FER1L6: variants seen among roughly 807,000 people sequenced by gnomAD.
FER1L6 encodes the protein fer-1-like protein 6.
Under a neutral mutation model 219.2 loss-of-function variants are expected in FER1L6, and 177 were observed. The observed-to-expected ratio is 0.81, with a 90% CI of 0.71 to 0.91. The LOEUF (loss-of-function observed/expected upper bound fraction) is 0.91. FER1L6 is among the 40% of genes least tolerant of loss of function. The pLI is 0.00. For missense variants in FER1L6, 2,153 were observed against 2,259.9 expected (o/e 0.95, Z 0.96); for synonymous variants, 768 against 824.3 (o/e 0.93, Z 1.17).
intron 1 of FER1L6, among the ~76,000 whole-genome samples, chr8:123,859,167 T>G (rs1440844299): frequency 6.6e-6 from 1 of 152,142 alleles, no homozygotes; most frequent in Non-Finnish European, 1.5e-5. Context: ...GCCCAGCTAA[T>G]TTTCTTATTT....
intron 1 of FER1L6, among the ~76,000 whole-genome samples, chr8:123,944,664 T>C (rs1814403900): frequency 6.6e-6 from 1 of 152,156 alleles, no homozygotes; most frequent in Admixed American, 6.5e-5. Flanking sequence ...ATTACAAGCA[T>C]AGAGAAGTTA....
At chr8:124,021,155 G>A (rs7819868) in intron 16 of FER1L6, among the ~76,000 whole-genome samples, 77,265 of 151,788 alleles carry the variant, frequency 0.51, 20,367 homozygotes, top group Non-Finnish European at 0.59. Flanking sequence ...AAGGGTAAAC[G>A]CCTCCATGAT....
At chr8:124,063,541 C>G (rs1302038714) in intron 25 of FER1L6, among the ~76,000 whole-genome samples, 1 of 152,204 alleles carries the variant, frequency 6.6e-6, no homozygotes, top group African/African-American at 2.4e-5. Context: ...ACCTATCATT[C>G]GTTTTCCCAA....
chr8:124,027,015 C>T (rs572599498), intron 18 of FER1L6, among the ~76,000 whole-genome samples: 96 of 152,252 alleles, frequency 6.3e-4, no homozygotes, highest in African/African-American at 2.3e-3. Flanking sequence ...GGTTCCATGG[C>T]TTTTACTAGA....
At chr8:123,943,746 C>T (rs1230666004) in intron 1 of FER1L6, among the ~76,000 whole-genome samples, 1 of 151,972 alleles carries the variant, frequency 6.6e-6, no homozygotes, top group Non-Finnish European at 1.5e-5. Context: ...GCCTGGGCTT[C>T]TGGAAGCCCT....
intron 7 of FER1L6, among the ~76,000 whole-genome samples, chr8:123,974,684 A>G (rs1226482280): frequency 2.7e-5 from 4 of 148,014 alleles, no homozygotes; most frequent in Non-Finnish European, 4.5e-5. Flanking sequence ...AAAAAAAAAG[A>G]AATGTGAAGC....
At position 123,916,268 on chromosome 8, in the gene FER1L6, A is replaced by G. The variant is rs146373389; in HGVS notation, c.-7-39724A>G. 7.4e-3 allele frequency among the ~76,000 whole-genome samples: 1,125 copies of G among 152,276 alleles called. 17 individuals are homozygous for G. The highest frequency in any genetic ancestry group is 0.026 in the African/African-American group (1,070 of 41,548). On this transcript the variant is annotated intron_variant, in intron 1 of 40. Coordinates refer to ENST00000522917, the MANE Select transcript of FER1L6 (RefSeq NM_001039112.2). ...GCCCTCCTGGACTGTAAACAAATTG[A>G]GATCAGGGTCAGTCTTACTGTCTTC...
chr8:123,873,618 A>G (rs6993248), intron 1 of FER1L6, among the ~76,000 whole-genome samples: 6 of 151,878 alleles, frequency 4.0e-5, no homozygotes, highest in Middle Eastern at 3.2e-3. Context: ...CTCTGTTGCA[A>G]CCCTGTGCAG....
At chr8:123,968,687 A>AT (rs1815667123) in intron 5 of FER1L6, among the ~76,000 whole-genome samples, 1 of 152,150 alleles carries the variant, frequency 6.6e-6, no homozygotes, top group Non-Finnish European at 1.5e-5. Flanking sequence ...TGTTGTATGT[A>AT]TTGTCTTGTC....
rs1280322647 is a variant in FER1L6 at position 123,853,932 on chromosome 8, C to T, written c.-8+1747C>T. 6.6e-6 allele frequency among the ~76,000 whole-genome samples: 1 copy of T among 152,166 alleles called. No individual in the cohort carries two copies. Among genetic ancestry groups the T allele is most frequent in the East Asian group, 1.9e-4 (1 of 5,186 alleles). On this transcript the variant is annotated intron_variant, in intron 1 of 40. Coordinates refer to ENST00000522917, the MANE Select transcript of FER1L6 (RefSeq NM_001039112.2). This position sits in a 1 kb window ranked among gnomAD's most constrained non-coding sequence, Gnocchi z 6.6. ...CAGCAGAAGGTGCACCTCTGAGGAG[C>T]AAAGGATGCAGGGCTTCTGTGGGCC...
At chr8:124,051,269 T>C (rs549904725) in intron 22 of FER1L6, among the ~76,000 whole-genome samples, 2 of 152,296 alleles carry the variant, frequency 1.3e-5, no homozygotes, top group South Asian at 2.1e-4. Flanking sequence ...ACCCAGTCTA[T>C]AGAATTCTAT....
At chr8:123,928,430 CAGGT>C (rs1813647165) in intron 1 of FER1L6, among the ~76,000 whole-genome samples, 1 of 152,162 alleles carries the variant, frequency 6.6e-6, no homozygotes, top group Admixed American at 6.5e-5. Flanking sequence ...CACAAATAAA[CAGGT>C]AGAGTAGAAC....
intron 11 of FER1L6, 84 bp downstream of exon 11, chr8:123,980,895 G>A (rs1816295635): frequency 8.3e-7 from 1 of 1,202,860 alleles, no homozygotes; most frequent in Middle Eastern, 2.1e-4. Flanking sequence ...TCCTGAAGGT[G>A]TTGTCAGAAT....
intron 13 of FER1L6, among the ~76,000 whole-genome samples, chr8:124,004,949 G>T (rs1817591743): frequency 6.7e-6 from 1 of 150,164 alleles, no homozygotes; most frequent in South Asian, 2.1e-4. Context: ...AGTGAGCAGA[G>T]ATCGCACCAC....
At chr8:124,108,820 G>A (rs895196046) in intron 39 of FER1L6, among the ~76,000 whole-genome samples, 3 of 152,068 alleles carry the variant, frequency 2.0e-5, no homozygotes, top group African/African-American at 7.2e-5. Flanking sequence ...CAAGGTTGCA[G>A]TGAGCTATGA....
chr8:123,885,118 G>T (rs960025530), intron 1 of FER1L6, among the ~76,000 whole-genome samples: 5 of 152,182 alleles, frequency 3.3e-5, no homozygotes, highest in Non-Finnish European at 7.3e-5. Context: ...AGAAAGAGGG[G>T]AGAGGGGATT....
intron 13 of FER1L6, chr8:124,004,283 G>A (rs1295702127): frequency 6.6e-6 from 1 of 152,160 alleles, no homozygotes; most frequent in Non-Finnish European, 1.5e-5. Flanking sequence ...GTGGTGTCAA[G>A]CACCAATCAA....
At chr8:124,061,305 GA>G (rs1047718829) in intron 24 of FER1L6, among the ~76,000 whole-genome samples, 7 of 152,062 alleles carry the variant, frequency 4.6e-5, no homozygotes, top group African/African-American at 9.7e-5. Flanking sequence ...TAATTGCAAA[GA>G]AAAAATTGCT....
In FER1L6 at chr8:123,975,246, GA is replaced by G; in HGVS notation, c.627del (p.Gly210ValfsTer4). On this transcript the variant is annotated frameshift_variant, in exon 8 of 41. Coordinates refer to ENST00000522917, the MANE Select transcript of FER1L6 (RefSeq NM_001039112.2). LOFTEE classifies it high-confidence loss of function. Reference sequence around the variant, plus strand: ...CTGAAATGTGACATCAGTGTCATGGGAAAAGGTGATGTCTTGAAGACCAGCC... The same window carrying G: ...CTGAAATGTGACATCAGTGTCATGGGAAAGGTGATGTCTTGAAGACCAGCC... ...GYLKCDISVM[G>X]KGDVLKTSPK... 1 of 1,613,076 alleles carries G rather than the reference GA, an allele frequency of 6.2e-7. No homozygotes were observed. The highest frequency in any genetic ancestry group is 8.5e-7 in the Non-Finnish European group (1 of 1,179,494).
Sources: allele counts gnomAD v4.1 joint callset (sites outside exome capture counted in the v4.1 genomes callset), GRCh38; gene constraint gnomAD v4.1.1; non-coding constraint Gnocchi (gnomAD v3.1); transcripts MANE v1.5; gene names NCBI Gene and HGNC (gene_info 2026-07-23, HGNC 2026-07-21).